TMEM51: variants seen among roughly 807,000 people sequenced by gnomAD.
The protein encoded by TMEM51 is chromosome 1 open reading frame 72.
A neutral mutation model predicts 13.6 loss-of-function variants in TMEM51; 8 were observed. That is an observed-to-expected ratio of 0.59 (90% CI 0.35 to 1.07). TMEM51 has a LOEUF of 1.07. Among genes scored for constraint, TMEM51 ranks in the 50% least tolerant of loss-of-function variants. The probability of loss-of-function intolerance (pLI) is 0.02; values close to 1 mark genes in which losing one functional copy is unlikely to be tolerated. For missense variants in TMEM51, 279 were observed against 330.7 expected (o/e 0.84, Z 1.21); for synonymous variants, 147 against 144.4 (o/e 1.02, Z -0.13).
chr1:15,220,048 T>C lies in TMEM51; in HGVS notation c.*305T>C, dbSNP rs894201442. 3.0e-5 allele frequency: 11 copies of C among 363,780 alleles called. No homozygotes were observed. In the East Asian group the frequency reaches 4.6e-4, roughly 15 times the overall value. The allele number at this position is 363,780 out of a possible 1,614,324, so 22.5% of individuals were successfully genotyped here. On this transcript the variant is annotated 3_prime_UTR_variant, in exon 4 of 4. Transcript: ENST00000376008. ...ACTCCGAATCGCTGGCGACACATTCTCCTTTCCAGCTAGGAAAGGGTTCCT... is the reference window on the plus strand; with the variant it reads ...ACTCCGAATCGCTGGCGACACATTCCCCTTTCCAGCTAGGAAAGGGTTCCT...
chr1:15,159,777 G>A (rs769476873), intron 1 of TMEM51, among the ~76,000 whole-genome samples: 2 of 152,108 alleles, frequency 1.3e-5, no homozygotes, highest in South Asian at 2.1e-4. Flanking sequence ...GGATGGTCTC[G>A]ATCTCTTGAC....
chr1:15,178,014 A>C (rs181468216), intron 1 of TMEM51, among the ~76,000 whole-genome samples: 33 of 152,348 alleles, frequency 2.2e-4, no homozygotes, highest in Admixed American at 1.5e-3. Context: ...TCACCCAGCC[A>C]GGAAGGAAGT....
At chr1:15,165,430 A>G (rs1441541218) in intron 1 of TMEM51, among the ~76,000 whole-genome samples, 5 of 152,248 alleles carry the variant, frequency 3.3e-5, no homozygotes, top group Non-Finnish European at 5.9e-5. Context: ...CAGGAAATCT[A>G]AAATGTTTTA....
At chr1:15,178,002 G>A (rs1195125066) in intron 1 of TMEM51, among the ~76,000 whole-genome samples, 1 of 152,186 alleles carries the variant, frequency 6.6e-6, no homozygotes, top group Non-Finnish European at 1.5e-5. Flanking sequence ...ACACACTGAC[G>A]TTCACCCAGC....
At position 15,215,094 on chromosome 1, in the gene TMEM51, G is replaced by A. The variant is rs1474393774; in HGVS notation, c.7G>A (p.Ala3Thr). MM[A>T]QSKANGSHYA... Reference sequence around the variant, plus strand: ...TCGCCCTCCTCCCACTGACATGATGGCCCAGTCCAAGGCCAATGGCTCGCA... The same window carrying A: ...TCGCCCTCCTCCCACTGACATGATGACCCAGTCCAAGGCCAATGGCTCGCA... The change falls in exon 3 of 4, where the codon GCC becomes ACC. Residue 3 changes from alanine (A) to threonine (T), a missense_variant. Ala to Thr is a moderately conservative substitution (Grantham distance 58). Transcript: ENST00000376008. 6.2e-7 allele frequency: 1 copy of A among 1,603,642 alleles called. No individual in the cohort carries two copies. Among genetic ancestry groups the A allele is most frequent in the East Asian group, 2.2e-5 (1 of 44,532 alleles).
intron 1 of TMEM51, among the ~76,000 whole-genome samples, chr1:15,155,796 C>A (rs1450295535): frequency 7.0e-6 from 1 of 143,802 alleles, no homozygotes; most frequent in African/African-American, 2.6e-5. Context: ...TGGCCGAGCA[C>A]CTTCTGTGGG....
intron 1 of TMEM51, among the ~76,000 whole-genome samples, chr1:15,160,404 G>T (rs141608174): frequency 0.027 from 4,170 of 152,230 alleles, 177 homozygotes; most frequent in African/African-American, 0.096. Context: ...CTCCTGAGTA[G>T]CTGGGATTAC....
intron 1 of TMEM51, among the ~76,000 whole-genome samples, chr1:15,167,480 G>A (rs1175514501): frequency 1.4e-4 from 21 of 151,952 alleles, no homozygotes; most frequent in Non-Finnish European, 1.5e-5. Context: ...TGGTGATTAC[G>A]ATTAAAGCTG....
In TMEM51 at chr1:15,215,105, G is replaced by C. The variant is rs1644405374; in HGVS notation, c.18G>C (p.Lys6Asn). The C allele has an allele frequency of 1.2e-6, 2 of 1,611,132 alleles. No homozygotes were observed. Among genetic ancestry groups the C allele is most frequent in the East Asian group, 4.5e-5 (2 of 44,790 alleles). ...CCACTGACATGATGGCCCAGTCCAA[G>C]GCCAATGGCTCGCACTATGCGCTGA... MMAQSKANGSHYALTA... is the reference protein window; with the variant it reads MMAQSNANGSHYALTA... Residue 6 changes from lysine (K) to asparagine (N), a missense_variant, in exon 3 of 4, where the codon AAG becomes AAC. Coordinates refer to ENST00000376008, the MANE Select transcript of TMEM51 (RefSeq NM_001136218.2).
At chr1:15,199,788 C>T (rs1460065166) in intron 1 of TMEM51, among the ~76,000 whole-genome samples, 1 of 152,154 alleles carries the variant, frequency 6.6e-6, no homozygotes, top group Non-Finnish European at 1.5e-5. Context: ...CCCCTCAACC[C>T]TATGAGACCA....
intron 1 of TMEM51, among the ~76,000 whole-genome samples, chr1:15,175,222 A>G (rs1165494818): frequency 6.6e-6 from 1 of 152,112 alleles, no homozygotes; most frequent in Non-Finnish European, 1.5e-5. Flanking sequence ...CAACATGGCA[A>G]AACCCCATCT....
At chr1:15,201,175 C>T (rs1644149332) in intron 1 of TMEM51, among the ~76,000 whole-genome samples, 1 of 152,356 alleles carries the variant, frequency 6.6e-6, no homozygotes, top group Admixed American at 6.5e-5. Context: ...TCCCTAACTA[C>T]AGGCTCCTCT....
In TMEM51 at chr1:15,220,376, C is replaced by CAAAAA; in HGVS notation, c.*646_*650dup. 7.9e-6 allele frequency: 1 copy of CAAAAA among 126,630 alleles called. No homozygotes were observed. Among genetic ancestry groups the CAAAAA allele is most frequent in the Non-Finnish European group, 1.7e-5 (1 of 60,416 alleles). The allele number at this position is 126,630 out of a possible 1,614,324, so 7.8% of individuals were successfully genotyped here. ...TTAACTAGTCTCTTCTGTGTAACAGCAAAAAAAAAAAAAAAAAGAAGAAGA... is the reference window on the plus strand; with the variant it reads ...TTAACTAGTCTCTTCTGTGTAACAGCAAAAAAAAAAAAAAAAAAAAAAGAAGAAGA... On this transcript the variant is annotated 3_prime_UTR_variant, in exon 4 of 4. Transcript: ENST00000376008.
intron 1 of TMEM51, among the ~76,000 whole-genome samples, chr1:15,188,652 G>A (rs1365488806): frequency 6.6e-6 from 1 of 152,228 alleles, no homozygotes; most frequent in Non-Finnish European, 1.5e-5. Flanking sequence ...ATAACAAGAA[G>A]CATTCCTCAG....
In TMEM51 at chr1:15,153,846, C is replaced by T. The variant is rs1199580374; in HGVS notation, c.-375C>T. 1 of 144,638 alleles carries T rather than the reference C, an allele frequency of 6.9e-6. No individual in the cohort carries two copies. The highest frequency in any genetic ancestry group is 2.1e-4 in the East Asian group (1 of 4,806). 9.0% of individuals were successfully genotyped at this position (144,638 alleles called of 1,614,324 possible). ...CTAAGAATCCCCCGAACCCCAGCCC[C>T]GCGATCGCGGCGCCCACCGAGGAGG... On this transcript the variant is annotated 5_prime_UTR_variant, in exon 1 of 4. Coordinates refer to ENST00000376008, the MANE Select transcript of TMEM51 (RefSeq NM_001136218.2).
At chr1:15,201,105 T>A (rs886675753) in intron 1 of TMEM51, among the ~76,000 whole-genome samples, 2 of 152,226 alleles carry the variant, frequency 1.3e-5, no homozygotes, top group East Asian at 3.8e-4. Flanking sequence ...GAGTGAGTCG[T>A]GTCTAGTTTG....
chr1:15,219,412 A>C lies in TMEM51; in HGVS notation c.431A>C (p.Glu144Ala). The change falls in exon 4 of 4, where the codon GAA becomes GCA. Residue 144 changes from glutamate (E) to alanine (A), a missense_variant. Glu to Ala is a moderately radical substitution (Grantham distance 107, BLOSUM62 -1). Transcript: ENST00000376008. Reference sequence around the variant, plus strand: ...GAAGTGATGAACACAAACTACTCAGAAGCAAGGGGAGAGGAGCAGAACCCG... The same window carrying C: ...GAAGTGATGAACACAAACTACTCAGCAGCAAGGGGAGAGGAGCAGAACCCG... ...YEEVMNTNYS[E>A]ARGEEQNPRL... is the part of the protein sequence containing the mutation. The C allele has an allele frequency of 6.2e-7, 1 of 1,613,622 alleles. No homozygotes were observed. The highest frequency in any genetic ancestry group is 8.5e-7 in the Non-Finnish European group (1 of 1,179,622).
chr1:15,209,944 T>C (rs988868036), intron 1 of TMEM51, among the ~76,000 whole-genome samples: 1 of 151,864 alleles, frequency 6.6e-6, no homozygotes, highest in African/African-American at 2.4e-5. Flanking sequence ...GGCAGGAGAA[T>C]TGTATGAACC....
chr1:15,189,183 G>C (rs1328115114), intron 1 of TMEM51, among the ~76,000 whole-genome samples: 1 of 142,006 alleles, frequency 7.0e-6, no homozygotes, highest in African/African-American at 2.6e-5. Flanking sequence ...GGGATTACAC[G>C]CACCCTTCAC....
Sources: allele counts gnomAD v4.1 joint callset (sites outside exome capture counted in the v4.1 genomes callset), GRCh38; gene constraint gnomAD v4.1.1; transcripts MANE v1.5; gene names NCBI Gene and HGNC (gene_info 2026-07-23, HGNC 2026-07-21).